PTPN13: variants seen among roughly 807,000 people sequenced by gnomAD.
PTPN13 encodes the protein tyrosine-protein phosphatase non-receptor type 13.
In PTPN13, 191 loss-of-function variants were observed where a neutral mutation model predicts 284.0. That is an observed-to-expected ratio of 0.67 (90% CI 0.60 to 0.76). The LOEUF (loss-of-function observed/expected upper bound fraction) is 0.76. Ranked by LOEUF, PTPN13 falls within the 30% of genes least tolerant of loss-of-function variation. The pLI is 0.00. For synonymous variants in PTPN13, 986 were observed against 1,022.3 expected (o/e 0.96, Z 0.68); for missense variants, 2,797 against 2,939.9 (o/e 0.95, Z 1.12).
intron 2 of PTPN13, among the ~76,000 whole-genome samples, chr4:86,670,029 G>C (rs1002780625): frequency 2.0e-5 from 3 of 151,592 alleles, no homozygotes; most frequent in African/African-American, 7.3e-5. Flanking sequence ...GTGTTAGAGG[G>C]ATGTTACAGC....
intron 3 of PTPN13, among the ~76,000 whole-genome samples, chr4:86,681,252 A>G (rs1728868706): frequency 2.0e-5 from 3 of 152,126 alleles, no homozygotes. Context: ...ACATAGGTGC[A>G]TACATATATA....
chr4:86,774,667 G>A, intron 33 of PTPN13, 136 bp downstream of exon 33: 3 of 533,696 alleles, frequency 5.6e-6, no homozygotes, highest in Non-Finnish European at 8.5e-6. Flanking sequence ...TAAAAGTAAA[G>A]GCCTTCATAT....
intron 7 of PTPN13, among the ~76,000 whole-genome samples, chr4:86,709,174 A>G (rs1047308911): frequency 1.3e-5 from 2 of 152,172 alleles, no homozygotes; most frequent in Non-Finnish European, 2.9e-5. Flanking sequence ...ACCTATTTAT[A>G]GGCCATTTTA....
At position 86,608,435 on chromosome 4, in the gene PTPN13, A is replaced by G. The variant is rs1217159040; in HGVS notation, c.-6+13646A>G. ...GAGGCTCTGTTGCTGCTTTACAAAG[A>G]TGACTAGAAATGATAGTACATGCTT... On this transcript the variant is annotated intron_variant, in intron 1 of 47. Coordinates refer to ENST00000411767, the MANE Select transcript of PTPN13 (RefSeq NM_080683.3). Among the ~76,000 whole-genome samples, 4 of 152,250 alleles carry G rather than the reference A, an allele frequency of 2.6e-5. No homozygotes were observed. In the East Asian group the frequency reaches 7.7e-4, roughly 29 times the overall value.
intron 16 of PTPN13, among the ~76,000 whole-genome samples, chr4:86,743,039 A>AT (rs138375731): frequency 2.0e-5 from 3 of 151,914 alleles, no homozygotes; most frequent in East Asian, 1.9e-4. Context: ...ACACAAAACT[A>AT]TTTTTTTTAA....
At chr4:86,768,286 T>G (rs1485956543) in intron 28 of PTPN13, among the ~76,000 whole-genome samples, 1 of 152,224 alleles carries the variant, frequency 6.6e-6, no homozygotes, top group Admixed American at 6.5e-5. Context: ...CTGAGATGCC[T>G]TCAAACCCAT....
At chr4:86,658,776 C>A (rs1438453433) in intron 2 of PTPN13, among the ~76,000 whole-genome samples, 1 of 151,932 alleles carries the variant, frequency 6.6e-6, no homozygotes, top group Non-Finnish European at 1.5e-5. Context: ...ATATATAGAT[C>A]TTCAAATTCT....
chr4:86,629,861 A>G (rs1256353881), intron 1 of PTPN13, among the ~76,000 whole-genome samples: 2 of 151,988 alleles, frequency 1.3e-5, no homozygotes, highest in East Asian at 1.9e-4. Context: ...GGCTCAAGCA[A>G]TCCTCCCATC....
intron 7 of PTPN13, among the ~76,000 whole-genome samples, chr4:86,702,543 A>G (rs1311823217): frequency 6.6e-6 from 1 of 152,212 alleles, no homozygotes; most frequent in African/African-American, 2.4e-5. Context: ...AGTGTGAGTA[A>G]TATAAAAATA....
intron 1 of PTPN13, among the ~76,000 whole-genome samples, chr4:86,616,355 G>A (rs902544466): frequency 3.3e-5 from 5 of 152,180 alleles, no homozygotes; most frequent in African/African-American, 1.2e-4. Flanking sequence ...GCCTCATAGA[G>A]ATGTTACCTC....
rs61730643 is a variant in PTPN13, at chr4:86,811,075, G to T, written c.7329G>T (p.Met2443Ile). ...DFDISDLVRC[M>I]RLQRHGMVQT... ...ACATCTCTGATTTGGTGCGCTGCAT[G>T]AGACTACAAAGACACGGAATGGTTC... Residue 2443 changes from methionine to isoleucine, a missense_variant, in exon 47 of 48, where the codon ATG becomes ATT. Physicochemically the swap from Met to Ile is conservative, Grantham distance 10. Coordinates refer to ENST00000411767, the MANE Select transcript of PTPN13 (RefSeq NM_080683.3). 1.4e-3 allele frequency: 2,235 copies of T among 1,613,712 alleles called. 2 individuals carry two copies. The highest frequency in any genetic ancestry group is 1.8e-3 in the Non-Finnish European group (2,131 of 1,179,712).
chr4:86,741,574 A>G, intron 15 of PTPN13, 60 bp from the exon 16 acceptor site: 2 of 1,453,340 alleles, frequency 1.4e-6, no homozygotes, highest in South Asian at 2.5e-5. Flanking sequence ...ATACAGCTTC[A>G]ATATCTTTAT....
At chr4:86,769,042 T>A (rs1054337729) in intron 28 of PTPN13, among the ~76,000 whole-genome samples, 5 of 152,076 alleles carry the variant, frequency 3.3e-5, no homozygotes, top group Non-Finnish European at 7.4e-5. Context: ...ATTTTTTTTT[T>A]AAACACCCAA....
At chr4:86,696,009 A>T (rs1013293562) in intron 6 of PTPN13, among the ~76,000 whole-genome samples, 7 of 152,008 alleles carry the variant, frequency 4.6e-5, no homozygotes, top group Non-Finnish European at 1.0e-4. Flanking sequence ...GGATTATCAA[A>T]TGCTAACATA....
intron 1 of PTPN13, among the ~76,000 whole-genome samples, chr4:86,633,384 A>G (rs1235341890): frequency 6.6e-6 from 1 of 152,020 alleles, no homozygotes; most frequent in Non-Finnish European, 1.5e-5. Flanking sequence ...TAGATTCCTA[A>G]AGTGTGTATT....
chr4:86,650,453 A>G (rs966551982), intron 2 of PTPN13, among the ~76,000 whole-genome samples: 6 of 152,128 alleles, frequency 3.9e-5, no homozygotes, highest in African/African-American at 1.4e-4. Flanking sequence ...CTGGGACTAC[A>G]GACATGTGTC....
chr4:86,763,303 A>T, intron 24 of PTPN13, 113 bp downstream of exon 24: 1 of 920,824 alleles, frequency 1.1e-6, no homozygotes, highest in Non-Finnish European at 1.7e-6. Flanking sequence ...GGAAAAAAGA[A>T]ATAGTTTATA....
At chr4:86,805,947 G>A (rs1241885326) in intron 44 of PTPN13, among the ~76,000 whole-genome samples, 2 of 152,048 alleles carry the variant, frequency 1.3e-5, no homozygotes, top group Non-Finnish European at 2.9e-5. Context: ...CTTGAGATCA[G>A]AAGTTTAAGA....
At chr4:86,739,638 C>T (rs1216500974) in intron 15 of PTPN13, among the ~76,000 whole-genome samples, 1 of 152,174 alleles carries the variant, frequency 6.6e-6, no homozygotes, top group African/African-American at 2.4e-5. Flanking sequence ...TCCCAAATCT[C>T]ATGTCCTCAC....
Sources: gnomAD v4.1 joint callset for allele counts (sites outside exome capture counted in the v4.1 genomes callset) on GRCh38, gnomAD v4.1.1 for gene constraint, MANE v1.5 for transcripts, NCBI Gene and HGNC (gene_info 2026-07-23, HGNC 2026-07-21) for gene names.